The following BOC variants were observed in gnomAD, a reference collection of about 807,000 sequenced individuals.
The protein encoded by BOC is BOC cell adhesion associated, oncogene regulated, also known as brother of CDO.
BOC carries 76 observed loss-of-function variants against 112.0 expected under a neutral mutation model. The observed-to-expected ratio is 0.68, with a 90% CI of 0.56 to 0.82. BOC has a LOEUF of 0.82. Among genes scored for constraint, BOC ranks in the 40% least tolerant of loss-of-function variants. BOC has a pLI of 0.00. For synonymous variants in BOC, 580 were observed against 599.8 expected, an observed-to-expected ratio of 0.97 and a Z score of 0.48; for missense variants, 1,309 against 1,511.7, an observed-to-expected ratio of 0.87 and a Z score of 2.22.
chr3:113,272,164 T>C, intron 6 of BOC: 1 of 576,416 alleles, frequency 1.7e-6, no homozygotes, highest in Non-Finnish European at 3.1e-6. Context: ...GTTATGTTGA[T>C]GCTGCTGTTC....
chr3:113,286,632 G>A (rs373355918), intron 19 of BOC, 43 bp from the exon 20 acceptor site: 54 of 1,464,056 alleles, frequency 3.7e-5, no homozygotes, highest in African/African-American at 1.1e-4. Flanking sequence ...TTGGCTCCTC[G>A]GTCAATCTGG....
Position 113,270,916 on chromosome 3 carries a change from C to T in BOC, c.639C>T (p.Ser213=), listed in dbSNP as rs9819129. 33,255 of 1,614,196 alleles carry T rather than the reference C, an allele frequency of 0.021. 425 individuals are homozygous for T. The highest frequency in any genetic ancestry group is 0.061 in the Middle Eastern group (367 of 6,062). ...YNPVTQEVKT[S]GSSDRLRVRR... ...CAGTGACCCAGGAAGTGAAAACCTC[C>T]GGCTCCAGCGACAGGCTACGTGTGC... Residue 213 remains serine (S), a synonymous_variant, in exon 6 of 20, where the codon TCC becomes TCT. Transcript: ENST00000682979.
chr3:113,276,308 C>G (rs1948666725), intron 9 of BOC, among the ~76,000 whole-genome samples: 1 of 152,242 alleles, frequency 6.6e-6, no homozygotes, highest in Admixed American at 6.5e-5. Context: ...GCATTCACCC[C>G]CTCAGTGTGT....
intron 4 of BOC, among the ~76,000 whole-genome samples, chr3:113,263,479 A>G (rs1433971822): frequency 6.6e-6 from 1 of 152,168 alleles, no homozygotes; most frequent in Non-Finnish European, 1.5e-5. Flanking sequence ...TCTTACTTCA[A>G]ACAGAATCGA....
chr3:113,244,730 G>C (rs181299626), intron 2 of BOC, among the ~76,000 whole-genome samples: 25 of 152,270 alleles, frequency 1.6e-4, no homozygotes, highest in Admixed American at 1.6e-3. Flanking sequence ...TGAACAGTAG[G>C]AGATTTTTAT....
chr3:113,274,738 G>A lies in BOC; in HGVS notation c.1542+56G>A, dbSNP rs563931472. The A allele has an allele frequency of 1.6e-4, 237 of 1,511,314 alleles. No homozygotes were observed. The African/African-American group carries it at 3.0e-3, about 19-fold the overall frequency. The allele number at this position is 1,511,314 out of a possible 1,614,324, so 93.6% of individuals were successfully genotyped here. On this transcript the variant is annotated intron_variant, in intron 9 of 19. Coordinates refer to ENST00000682979, the MANE Select transcript of BOC (RefSeq NM_001378074.1). This position sits in a 1 kb window ranked among gnomAD's most constrained non-coding sequence, Gnocchi z 4.8. Reference sequence around the variant, plus strand: ...CCTGCACAGCCTTTCCAGCAAGGCTGAGCAGAGTCACTGTCTCTTGGCCAT... The same window carrying A: ...CCTGCACAGCCTTTCCAGCAAGGCTAAGCAGAGTCACTGTCTCTTGGCCAT...
Position 113,281,154 on chromosome 3 carries a change from G to A in BOC, c.2434+1G>A. On this transcript the variant is annotated splice_donor_variant, in intron 15 of 19. Coordinates refer to ENST00000682979, the MANE Select transcript of BOC (RefSeq NM_001378074.1). LOFTEE classifies it high-confidence loss of function. The stretch of plus-strand genomic sequence containing the variant: ...AACGTGATGATCTGTGAGACCAAAG[G>A]TGAAGCTCTTTGGGTTCTCTCTCCT... 3.1e-6 allele frequency: 5 copies of A among 1,614,058 alleles called. No homozygotes were observed. The highest frequency in any genetic ancestry group is 1.3e-5 in the African/African-American group (1 of 75,034).
Position 113,281,095 on chromosome 3 carries a change from G to A in BOC, c.2376G>A (p.Gln792=), listed in dbSNP as rs757740632. ...AGACCTCCTACGACATTAAGATGCA[G>A]TGCTTCAATGAAGGAGGGGAGAGCG... ...QPETSYDIKM[Q]CFNEGGESEF... The change falls in exon 15 of 20, where the codon CAG becomes CAA. Residue 792 remains glutamine (Q), a synonymous_variant. Transcript: ENST00000682979. The A allele has an allele frequency of 4.3e-6, 7 of 1,614,050 alleles. No individual in the cohort carries two copies. The highest frequency in any genetic ancestry group is 5.9e-6 in the Non-Finnish European group (7 of 1,180,046).
intron 4 of BOC, among the ~76,000 whole-genome samples, chr3:113,259,531 T>A (rs1946587748): frequency 6.6e-6 from 1 of 152,288 alleles, no homozygotes; most frequent in African/African-American, 2.4e-5. Context: ...CCTCATTTTT[T>A]AAAAACAGCT....
chr3:113,285,452 A>G lies in BOC; in HGVS notation c.3047A>G (p.His1016Arg). Residue 1016 changes from histidine (H) to arginine (R), a missense_variant, in exon 19 of 20, where the codon CAT (histidine) becomes CGT (arginine). Coordinates refer to ENST00000682979, the MANE Select transcript of BOC (RefSeq NM_001378074.1). ...TCCACTCACCAGCTGCTGCAGCCCC[A>G]TCACGACTGCTGCCAACGCCAGGAG... ...DDSTHQLLQP[H>R]HDCCQRQEQP... The G allele has an allele frequency of 6.2e-7, 1 of 1,614,046 alleles. No individual in the cohort carries two copies. Among genetic ancestry groups the G allele is most frequent in the Non-Finnish European group, 8.5e-7 (1 of 1,179,960 alleles).
chr3:113,213,410 A>T (rs1938648313), intron 1 of BOC, among the ~76,000 whole-genome samples: 1 of 152,162 alleles, frequency 6.6e-6, no homozygotes, highest in South Asian at 2.1e-4. Flanking sequence ...GACATTTCTG[A>T]TTTATTCCAC....
intron 9 of BOC, among the ~76,000 whole-genome samples, chr3:113,275,321 G>C (rs1191009301): frequency 6.6e-6 from 1 of 152,194 alleles, no homozygotes; most frequent in Non-Finnish European, 1.5e-5. Context: ...TTCAGGAGCT[G>C]TCAGGGAGGG....
At chr3:113,265,767 C>T (rs1947413273) in intron 4 of BOC, among the ~76,000 whole-genome samples, 1 of 152,194 alleles carries the variant, frequency 6.6e-6, no homozygotes, top group Non-Finnish European at 1.5e-5. Flanking sequence ...TGTAGGGTCC[C>T]TTGTTGAAGC....
At chr3:113,249,294 G>A (rs1188807694) in intron 2 of BOC, among the ~76,000 whole-genome samples, 2 of 152,150 alleles carry the variant, frequency 1.3e-5, no homozygotes, top group African/African-American at 4.8e-5. Flanking sequence ...TAACCACATG[G>A]CAGGGCACAT....
At position 113,274,223 on chromosome 3, in the gene BOC, G is replaced by T; in HGVS notation, c.1235-152G>T. 1.5e-6 allele frequency: 1 copy of T among 652,664 alleles called. No homozygotes were observed. The highest frequency in any genetic ancestry group is 3.9e-5 in the South Asian group (1 of 25,392). 40.4% of individuals were successfully genotyped at this position (652,664 alleles called of 1,614,324 possible). A position where few individuals can be genotyped will look rare whatever the true frequency, so the allele number is the denominator to read the frequency against. On this transcript the variant is annotated intron_variant, in intron 8 of 19. Transcript: ENST00000682979. The surrounding 1 kb of genome is among the most constrained non-coding windows in gnomAD (Gnocchi z 4.8). Reference sequence around the variant, plus strand: ...GGACACCAGCGCTGTCTTCCACGGAGCCTGGCTGGGCAGCACAGAGTGGGT... The same window carrying T: ...GGACACCAGCGCTGTCTTCCACGGATCCTGGCTGGGCAGCACAGAGTGGGT...
intron 4 of BOC, among the ~76,000 whole-genome samples, chr3:113,264,815 C>T (rs750208782): frequency 6.6e-6 from 1 of 151,922 alleles, no homozygotes; most frequent in African/African-American, 2.4e-5. Flanking sequence ...TTAGGAGGCA[C>T]GGGGGGAGGG....
chr3:113,268,958 G>A (rs1473259941), intron 5 of BOC, among the ~76,000 whole-genome samples: 2 of 152,148 alleles, frequency 1.3e-5, no homozygotes, highest in Admixed American at 6.5e-5. Flanking sequence ...CATTATGGAA[G>A]TCCTCTGTCT....
At chr3:113,218,312 C>T (rs768653920) in intron 2 of BOC, among the ~76,000 whole-genome samples, 1 of 152,234 alleles carries the variant, frequency 6.6e-6, no homozygotes, top group Non-Finnish European at 1.5e-5. Flanking sequence ...AGTCTGAGCT[C>T]ACCTAATATT....
intron 2 of BOC, among the ~76,000 whole-genome samples, chr3:113,219,573 G>A (rs1389358758): frequency 7.9e-5 from 12 of 152,214 alleles, no homozygotes. Context: ...AGTTTTTCAT[G>A]AAAAAGAAAC....
Sources: gnomAD v4.1 joint callset for allele counts (sites outside exome capture counted in the v4.1 genomes callset) on GRCh38, gnomAD v4.1.1 for gene constraint, Gnocchi (gnomAD v3.1) non-coding constraint, MANE v1.5 for transcripts, NCBI Gene and HGNC (gene_info 2026-07-23, HGNC 2026-07-21) for gene names.